The following OR51B5 variants were observed in gnomAD, a reference collection of about 807,000 sequenced individuals.
OR51B5 encodes olfactory receptor 51B5.
For synonymous variants in OR51B5, 186 were observed against 144.8 expected (o/e 1.28, Z -2.04); for missense variants, 456 against 374.6 (o/e 1.22, Z -1.79).
intron 1 of OR51B5, among the ~76,000 whole-genome samples, chr11:5,368,216 GCTTCTTCATACAGT>G (rs1429453410): frequency 1.3e-5 from 2 of 152,122 alleles, no homozygotes; most frequent in Admixed American, 6.5e-5. Flanking sequence ...ATTGTTTCAT[GCTTCTTCATACAGT>G]CTTATGCAGT....
At chr11:5,486,747 T>G (rs1488617809) in intron 1 of OR51B5, among the ~76,000 whole-genome samples, 2 of 152,202 alleles carry the variant, frequency 1.3e-5, no homozygotes, top group African/African-American at 2.4e-5. Flanking sequence ...CTGCACTGGC[T>G]GATGCCCATG....
intron 1 of OR51B5, among the ~76,000 whole-genome samples, chr11:5,395,681 G>A (rs951746): frequency 1.3e-5 from 2 of 151,722 alleles, no homozygotes; most frequent in African/African-American, 2.4e-5. Flanking sequence ...CATTTCTCTC[G>A]AAAAGAGGCA....
intron 1 of OR51B5, among the ~76,000 whole-genome samples, chr11:5,477,930 G>T (rs1851340589): frequency 1.3e-5 from 2 of 151,886 alleles, no homozygotes; most frequent in Admixed American, 1.3e-4. Flanking sequence ...CAGGGAGGCT[G>T]GGGAGGGGCG....
Position 5,425,701 on chromosome 11 carries a change from T to A in OR51B5, n.85-78791A>T, listed in dbSNP as rs888960224. ...TTTTGTTATAGAAATGTGTTTATTA[T>A]AAAATATAGAGTATGATTCTAAGAA... On this transcript the variant is annotated intron_variant and non_coding_transcript_variant, in intron 1 of 4. Transcript: ENST00000415970. Among the ~76,000 whole-genome samples, 13 of 152,226 alleles carry A rather than the reference T, an allele frequency of 8.5e-5. 1 individual carries two copies. Among genetic ancestry groups the A allele is most frequent in the Admixed American group, 6.5e-4 (10 of 15,282 alleles).
intron 1 of OR51B5, among the ~76,000 whole-genome samples, chr11:5,384,089 A>T (rs1849649363): frequency 1.3e-5 from 2 of 152,172 alleles, no homozygotes; most frequent in Admixed American, 1.3e-4. Context: ...CAAATGTTTG[A>T]ATGTCCTTAG....
chr11:5,343,351 G>A, exon 1 of OR51B5: 2 of 1,613,178 alleles, frequency 1.2e-6, no homozygotes, highest in African/African-American at 2.7e-5. Context: ...CCAGAAAGAA[G>A]TACATGGGCT....
chr11:5,494,091 A>G (rs541107634), intron 1 of OR51B5, among the ~76,000 whole-genome samples: 41 of 152,340 alleles, frequency 2.7e-4, no homozygotes, highest in Middle Eastern at 3.4e-3. Flanking sequence ...AACTTCTACC[A>G]TACAAGTATT....
intron 1 of OR51B5, among the ~76,000 whole-genome samples, chr11:5,500,266 A>T (rs961504221): frequency 6.6e-6 from 1 of 152,202 alleles, no homozygotes; most frequent in Admixed American, 6.5e-5. Flanking sequence ...ATGCTCACTA[A>T]TATCTATCTC....
chr11:5,412,869 A>T (rs1850171673), intron 1 of OR51B5, among the ~76,000 whole-genome samples: 1 of 151,904 alleles, frequency 6.6e-6, no homozygotes, highest in African/African-American at 2.4e-5. Context: ...GGCAGGGCAC[A>T]GACAAACAAG....
At chr11:5,460,241 G>A (rs905451724) in intron 1 of OR51B5, among the ~76,000 whole-genome samples, 44 of 152,284 alleles carry the variant, frequency 2.9e-4, no homozygotes, top group African/African-American at 1.1e-3. Context: ...GCCTACTGGA[G>A]GGTGAAGGAT....
At chr11:5,459,956 G>C (rs1213972206) in intron 1 of OR51B5, among the ~76,000 whole-genome samples, 7 of 152,096 alleles carry the variant, frequency 4.6e-5, no homozygotes, top group Non-Finnish European at 8.8e-5. Flanking sequence ...ATTCCCAATA[G>C]CAAAGACATG....
intron 1 of OR51B5, among the ~76,000 whole-genome samples, chr11:5,478,831 A>C (rs1225582523): frequency 6.6e-6 from 1 of 150,452 alleles, no homozygotes; most frequent in Admixed American, 6.6e-5. Context: ...AAAAGAAATG[A>C]GCAAAGCCTC....
At chr11:5,379,366 C>G (rs543394303) in intron 1 of OR51B5, among the ~76,000 whole-genome samples, 2 of 151,754 alleles carry the variant, frequency 1.3e-5, no homozygotes, top group African/African-American at 4.8e-5. Flanking sequence ...TGCTAAATTA[C>G]GAGTTAATGG....
At chr11:5,448,869 C>T (rs1411255332) in intron 1 of OR51B5, among the ~76,000 whole-genome samples, 1 of 152,170 alleles carries the variant, frequency 6.6e-6, no homozygotes, top group Non-Finnish European at 1.5e-5. Context: ...AGTTATTCAC[C>T]AGAAGATATT....
chr11:5,390,589 G>T, intron 1 of OR51B5: 1 of 508,820 alleles, frequency 2.0e-6, no homozygotes, highest in Non-Finnish European at 3.4e-6. Context: ...CTGAGAACTG[G>T]CATTTTTGGT....
chr11:5,429,269 G>T (rs948710188), intron 1 of OR51B5, among the ~76,000 whole-genome samples: 3 of 152,144 alleles, frequency 2.0e-5, no homozygotes, highest in Non-Finnish European at 2.9e-5. Context: ...TCCATCTCCT[G>T]TGTGGCTAGT....
intron 1 of OR51B5, among the ~76,000 whole-genome samples, chr11:5,483,070 C>T (rs909122935): frequency 1.9e-4 from 29 of 149,308 alleles, no homozygotes; most frequent in Admixed American, 1.5e-3. Context: ...ATGTTTATTG[C>T]GGCATTATGC....
chr11:5,453,989 T>C, intron 1 of OR51B5: 1 of 1,614,076 alleles, frequency 6.2e-7, no homozygotes. Context: ...AGAGGCTGCC[T>C]ATCTGCAGAT....
rs933528167 is a variant in OR51B5 at position 5,359,224 on chromosome 11, G to A, written n.85-12314C>T. ...AATTGTCCCTGTTTGCAGATGACAC[G>A]ATTGTATATCTAGAAAACCCCACTG... On this transcript the variant is annotated intron_variant and non_coding_transcript_variant, in intron 1 of 4. Coordinates refer to the OR51B5 transcript ENST00000415970. Among the ~76,000 whole-genome samples the A allele has an allele frequency of 2.7e-4, 40 of 149,332 alleles. 1 individual carries two copies. Among genetic ancestry groups the A allele is most frequent in the Admixed American group, 8.0e-4 (12 of 14,924 alleles).
Sources: gnomAD v4.1 joint callset for allele counts (sites outside exome capture counted in the v4.1 genomes callset) on GRCh38, gnomAD v4.1.1 for gene constraint, MANE v1.5 for transcripts, NCBI Gene and HGNC (gene_info 2026-07-23, HGNC 2026-07-21) for gene names.